Variants in EXOC6 observed in about 807,000 individuals in gnomAD.
EXOC6 encodes SEC15-like 1.
Under a neutral mutation model 112.5 loss-of-function variants are expected in EXOC6, and 60 were observed. The observed-to-expected ratio is 0.53, with a 90% CI of 0.43 to 0.66. The LOEUF (loss-of-function observed/expected upper bound fraction) is 0.66. Ranked by LOEUF, EXOC6 falls within the 30% of genes least tolerant of loss-of-function variation. EXOC6 has a pLI of 0.00. For synonymous variants in EXOC6, 295 were observed against 308.0 expected, an observed-to-expected ratio of 0.96 and a Z score of 0.44; for missense variants, 855 against 957.1, an observed-to-expected ratio of 0.89 and a Z score of 1.41.
intron 15 of EXOC6, among the ~76,000 whole-genome samples, chr10:92,954,052 G>A (rs1564858621): frequency 6.6e-6 from 1 of 152,116 alleles, no homozygotes; most frequent in Non-Finnish European, 1.5e-5. Context: ...AGGCCAAGGT[G>A]GGAGAATTAC....
intron 14 of EXOC6, among the ~76,000 whole-genome samples, chr10:92,951,957 A>G (rs934797206): frequency 2.0e-5 from 3 of 152,236 alleles, no homozygotes; most frequent in Non-Finnish European, 4.4e-5. Context: ...ACAAAGAAGC[A>G]GACAGCCTAG....
At chr10:92,923,689 C>T (rs1308280969) in intron 8 of EXOC6, among the ~76,000 whole-genome samples, 1 of 152,210 alleles carries the variant, frequency 6.6e-6, no homozygotes, top group African/African-American at 2.4e-5. Flanking sequence ...CCTTTTATAA[C>T]ACAATCTCAG....
upstream of EXOC6, chr10:92,831,505 C>G (rs1846479970): frequency 3.0e-6 from 1 of 334,988 alleles, no homozygotes; most frequent in East Asian, 1.0e-4. Context: ...GTGATCTCGG[C>G]TCACTGCAAC....
chr10:92,888,243 A>T (rs1183221233), intron 1 of EXOC6, among the ~76,000 whole-genome samples: 2 of 152,298 alleles, frequency 1.3e-5, no homozygotes, highest in African/African-American at 4.8e-5. Context: ...TCTAAAAAAA[A>T]ATATTGTTTT....
intron 20 of EXOC6, among the ~76,000 whole-genome samples, chr10:93,053,947 TG>T (rs1225064156): frequency 9.8e-5 from 15 of 152,340 alleles, no homozygotes; most frequent in African/African-American, 3.6e-4. Context: ...GTGTAGTCTT[TG>T]GGACACAAAC....
chr10:92,848,737 G>A, intron 1 of EXOC6, 103 bp downstream of exon 1: 1 of 950,048 alleles, frequency 1.1e-6, no homozygotes, highest in Non-Finnish European at 1.3e-6. Context: ...GAAGCTCCCC[G>A]ACAGGTGGTG....
intron 17 of EXOC6, among the ~76,000 whole-genome samples, chr10:92,972,360 A>G (rs564871942): frequency 1.2e-4 from 19 of 152,324 alleles, no homozygotes; most frequent in African/African-American, 4.6e-4. Context: ...AAAAAAGTAC[A>G]CATTCAAGAG....
At chr10:93,039,089 G>A (rs952082026) in intron 20 of EXOC6, among the ~76,000 whole-genome samples, 1 of 151,986 alleles carries the variant, frequency 6.6e-6, no homozygotes, top group Non-Finnish European at 1.5e-5. Flanking sequence ...GAGACCAAAA[G>A]GTCAATAGTG....
At chr10:92,998,626 CACCA>C (rs1375306399) in intron 19 of EXOC6, among the ~76,000 whole-genome samples, 1 of 78,018 alleles carries the variant, frequency 1.3e-5, no homozygotes, top group East Asian at 4.5e-4. Flanking sequence ...GTCTGTTGCA[CACCA>C]CACACACACA....
At chr10:92,982,767 C>T (rs1447109550) in intron 18 of EXOC6, among the ~76,000 whole-genome samples, 2 of 151,984 alleles carry the variant, frequency 1.3e-5, no homozygotes, top group African/African-American at 2.4e-5. Flanking sequence ...CAGGTATTTC[C>T]TTTGAAGAGT....
At chr10:92,883,449 G>A (rs1849060502) in intron 1 of EXOC6, among the ~76,000 whole-genome samples, 1 of 152,050 alleles carries the variant, frequency 6.6e-6, no homozygotes, top group South Asian at 2.1e-4. Flanking sequence ...TTTATAGTTA[G>A]TAACCAAAAT....
chr10:92,910,643 A>G (rs562933750), intron 6 of EXOC6, among the ~76,000 whole-genome samples: 1 of 152,210 alleles, frequency 6.6e-6, no homozygotes, highest in African/African-American at 2.4e-5. Flanking sequence ...GTACAAAATA[A>G]TTTGGGGCCG....
chr10:92,932,288 A>G (rs1200193859), intron 9 of EXOC6, among the ~76,000 whole-genome samples: 3 of 152,148 alleles, frequency 2.0e-5, no homozygotes, highest in Non-Finnish European at 2.9e-5. Flanking sequence ...GCCAAGGGCT[A>G]TGGGTTCGGC....
intron 1 of EXOC6, among the ~76,000 whole-genome samples, chr10:92,843,303 G>A (rs2063203026): frequency 6.6e-6 from 1 of 152,196 alleles, no homozygotes; most frequent in Admixed American, 6.5e-5. Context: ...AAAGGCAGAA[G>A]CTGGAGGAGG....
At chr10:92,936,601 C>CA (rs1300226613) in intron 12 of EXOC6, among the ~76,000 whole-genome samples, 2 of 152,108 alleles carry the variant, frequency 1.3e-5, no homozygotes, top group East Asian at 1.9e-4. Flanking sequence ...TCAAAACAAA[C>CA]AAAAAACACG....
At chr10:92,839,365 AAAC>A (rs964582031) in intron 1 of EXOC6, among the ~76,000 whole-genome samples, 13 of 152,134 alleles carry the variant, frequency 8.5e-5, no homozygotes, top group African/African-American at 3.1e-4. Flanking sequence ...ATGTTCGAGG[AAAC>A]AACATTAGTC....
chr10:92,979,496 T>A (rs1202869835), intron 18 of EXOC6, among the ~76,000 whole-genome samples: 1 of 152,210 alleles, frequency 6.6e-6, no homozygotes, highest in African/African-American at 2.4e-5. Context: ...ATGGTTTTGA[T>A]GGAGTCCAGG....
chr10:92,946,832 C>G (rs558547850), intron 13 of EXOC6, among the ~76,000 whole-genome samples: 1 of 152,322 alleles, frequency 6.6e-6, no homozygotes, highest in African/African-American at 2.4e-5. Context: ...AAAGACCCTA[C>G]AGGACTACTC....
chr10:92,975,791 G>GC (rs1842550248), intron 18 of EXOC6, among the ~76,000 whole-genome samples: 1 of 103,792 alleles, frequency 9.6e-6, no homozygotes, highest in African/African-American at 4.0e-5. Flanking sequence ...GGAGGGAGGT[G>GC]GGGGGGTCAG....
Sources: gnomAD v4.1 joint callset for allele counts (sites outside exome capture counted in the v4.1 genomes callset) on GRCh38, gnomAD v4.1.1 for gene constraint, MANE v1.5 for transcripts, NCBI Gene and HGNC (gene_info 2026-07-23, HGNC 2026-07-21) for gene names.